Variants in SV2C observed in about 807,000 individuals in gnomAD.
The protein encoded by SV2C is synaptic vesicle glycoprotein 2C.
Under a neutral mutation model 79.7 loss-of-function variants are expected in SV2C, and 49 were observed. The observed-to-expected ratio is 0.61, with a 90% CI of 0.49 to 0.78. The LOEUF (loss-of-function observed/expected upper bound fraction) is 0.78. Ranked by LOEUF, SV2C falls within the 30% of genes least tolerant of loss-of-function variation. The pLI is 0.00. For missense variants in SV2C, 833 were observed against 912.9 expected, an observed-to-expected ratio of 0.91 and a Z score of 1.13; for synonymous variants, 334 against 333.2, an observed-to-expected ratio of 1.00 and a Z score of -0.03.
the SV2C span, among the ~76,000 whole-genome samples, chr5:75,901,258 T>A: frequency 1.3e-5 from 2 of 152,158 alleles, no homozygotes; most frequent in Non-Finnish European, 2.9e-5. Flanking sequence ...TACAGATGGG[T>A]TTTTGGTGTG....
chr5:76,220,483 G>A (rs1387452531), intron 4 of SV2C, among the ~76,000 whole-genome samples: 1 of 151,920 alleles, frequency 6.6e-6, no homozygotes, highest in Non-Finnish European at 1.5e-5. Flanking sequence ...GCCAGCCTGG[G>A]CAACATGGCA....
chr5:76,028,188 G>A, the SV2C span, among the ~76,000 whole-genome samples: 3 of 152,014 alleles, frequency 2.0e-5, no homozygotes, highest in African/African-American at 4.8e-5. Flanking sequence ...CAACCATAGG[G>A]CCCCCCATAT....
chr5:76,277,460 G>A (rs1169096148), intron 4 of SV2C, among the ~76,000 whole-genome samples: 1 of 152,146 alleles, frequency 6.6e-6, no homozygotes, highest in Non-Finnish European at 1.5e-5. Context: ...CATAAATCTC[G>A]ACTGTAACGC....
At chr5:75,898,392 C>G in the SV2C span, among the ~76,000 whole-genome samples, 1 of 152,128 alleles carries the variant, frequency 6.6e-6, no homozygotes, top group Admixed American at 6.5e-5. Context: ...TTATATTGAA[C>G]CAGCCTTGCA....
chr5:75,856,675 C>G, the SV2C span, among the ~76,000 whole-genome samples: 1 of 152,032 alleles, frequency 6.6e-6, no homozygotes, highest in African/African-American at 2.4e-5. Context: ...GTTTGAGCAC[C>G]TTACATATTC....
At chr5:76,031,138 T>A in the SV2C span, among the ~76,000 whole-genome samples, 9 of 152,170 alleles carry the variant, frequency 5.9e-5, no homozygotes, top group Non-Finnish European at 1.2e-4. Context: ...TGCCTCCAAG[T>A]CACAGTTTGG....
the SV2C span, among the ~76,000 whole-genome samples, chr5:76,029,567 TTCAGACTACAGTACTAAA>T: frequency 6.6e-6 from 1 of 152,122 alleles, no homozygotes; most frequent in Non-Finnish European, 1.5e-5. Flanking sequence ...GAGGCAAAAA[TTCAGACTACAGTACTAAA>T]TCAGACTACA....
chr5:75,896,664 A>G, the SV2C span, among the ~76,000 whole-genome samples: 3 of 151,576 alleles, frequency 2.0e-5, no homozygotes, highest in Non-Finnish European at 4.4e-5. Flanking sequence ...CAATGGTTGA[A>G]CTAGTTTACA....
intron 12 of SV2C, among the ~76,000 whole-genome samples, chr5:76,317,194 C>T (rs181181810): frequency 7.9e-4 from 120 of 152,182 alleles, no homozygotes; most frequent in African/African-American, 2.8e-3. Flanking sequence ...ACCTGATGAC[C>T]TAGCCATCAT....
chr5:76,174,467 A>G (rs1324649931), intron 2 of SV2C, among the ~76,000 whole-genome samples: 1 of 152,198 alleles, frequency 6.6e-6, no homozygotes, highest in Non-Finnish European at 1.5e-5. Flanking sequence ...CAGGCCTGCA[A>G]TGTGTGTCTC....
chr5:76,033,405 A>G, the SV2C span, among the ~76,000 whole-genome samples: 1 of 152,172 alleles, frequency 6.6e-6, no homozygotes, highest in Non-Finnish European at 1.5e-5. Flanking sequence ...TCTTTAATCC[A>G]TCTTGAATTA....
chr5:76,302,992 G>A (rs1280420036), intron 12 of SV2C, among the ~76,000 whole-genome samples: 2 of 152,126 alleles, frequency 1.3e-5, no homozygotes, highest in East Asian at 3.9e-4. Flanking sequence ...ACCCCAAAGA[G>A]GTGTATTCTG....
chr5:76,032,402 C>T, the SV2C span, among the ~76,000 whole-genome samples: 13 of 152,292 alleles, frequency 8.5e-5, no homozygotes, highest in Non-Finnish European at 1.8e-4. Context: ...CCCCTCTCCC[C>T]CGACCCCACA....
At chr5:76,034,527 C>T in the SV2C span, among the ~76,000 whole-genome samples, 6 of 152,052 alleles carry the variant, frequency 3.9e-5, no homozygotes, top group East Asian at 1.9e-4. Flanking sequence ...TTGTCTTTGG[C>T]TCTGTTTATA....
chr5:75,901,531 C>T, the SV2C span, among the ~76,000 whole-genome samples: 2 of 152,204 alleles, frequency 1.3e-5, no homozygotes, highest in East Asian at 3.9e-4. Flanking sequence ...GCTCAGGGGT[C>T]AGGGGTCAGG....
At chr5:75,934,432 G>A in the SV2C span, among the ~76,000 whole-genome samples, 30 of 150,074 alleles carry the variant, frequency 2.0e-4, no homozygotes, top group African/African-American at 4.7e-4. Flanking sequence ...GATTATAGGC[G>A]CACACCACCA....
Position 76,339,869 on chromosome 5 carries a change from T to A in SV2C, c.2001-13261T>A, listed in dbSNP as rs1022980331. ...GAGCAACTCCATCTTGAATAGGGGC[T>A]GGGTAAATGAGGCTGAGACCTATTG... On this transcript the variant is annotated intron_variant, in intron 12 of 12. Coordinates refer to the SV2C transcript ENST00000322285. Among the ~76,000 whole-genome samples the A allele has an allele frequency of 5.9e-5, 9 of 152,310 alleles. No individual in the cohort carries two copies. In the South Asian group the frequency reaches 1.9e-3, roughly 32 times the overall value.
chr5:76,287,686 C>A (rs1217896460), intron 6 of SV2C, among the ~76,000 whole-genome samples: 1 of 152,244 alleles, frequency 6.6e-6, no homozygotes, highest in African/African-American at 2.4e-5. Flanking sequence ...AGTTACAAAG[C>A]TGATTCTCCA....
chr5:75,919,943 G>C, the SV2C span, among the ~76,000 whole-genome samples: 1 of 152,194 alleles, frequency 6.6e-6, no homozygotes, highest in Admixed American at 6.5e-5. Flanking sequence ...CATACCTGTT[G>C]GACAAAGCTG....
Sources: allele counts gnomAD v4.1 joint callset (sites outside exome capture counted in the v4.1 genomes callset), GRCh38; gene constraint gnomAD v4.1.1; transcripts MANE v1.5; gene names NCBI Gene and HGNC (gene_info 2026-07-23, HGNC 2026-07-21).